TRIM10: variants seen among roughly 807,000 people sequenced by gnomAD.
TRIM10 encodes the protein tripartite motif containing 10, also known as tripartite motif-containing protein 10.
A neutral mutation model predicts 40.0 loss-of-function variants in TRIM10; 42 were observed. That is an observed-to-expected ratio of 1.05 (90% confidence interval 0.82 to 1.36). The LOEUF is 1.36. Ranked by LOEUF, TRIM10 falls within the 40% of genes most tolerant of loss-of-function variation. The probability of loss-of-function intolerance (pLI) is 0.00; values close to 1 mark genes in which losing one functional copy is unlikely to be tolerated. For missense variants in TRIM10, 601 were observed against 608.3 expected, an observed-to-expected ratio of 0.99 and a Z score of 0.13; for synonymous variants, 260 against 239.5, an observed-to-expected ratio of 1.09 and a Z score of -0.79.
upstream of TRIM10, chr6:30,164,004 AG>A: frequency 1.2e-6 from 2 of 1,613,056 alleles, no homozygotes; most frequent in Non-Finnish European, 1.7e-6. Context: ...TTCTGCAGGG[AG>A]GGTCCCACGC....
intron 6 of TRIM10, 120 bp from the exon 7 acceptor site, chr6:30,154,606 G>A: frequency 7.9e-7 from 1 of 1,262,172 alleles, no homozygotes; most frequent in African/African-American, 1.5e-5. Context: ...CATGTATAGT[G>A]CCTACGTGGG....
chr6:30,159,080 T>C, intron 2 of TRIM10, 70 bp downstream of exon 2: 2 of 1,001,562 alleles, frequency 2.0e-6, no homozygotes, highest in Middle Eastern at 4.6e-4. Context: ...ATAATCTATG[T>C]TGCCTCAGTT....
upstream of TRIM10, among the ~76,000 whole-genome samples, chr6:30,161,238 G>C (rs1025818464): frequency 6.6e-6 from 1 of 152,178 alleles, no homozygotes; most frequent in Non-Finnish European, 1.5e-5. Context: ...GCAAGTGGGA[G>C]ACTGGGTCAC....
rs1772611213 is a variant in TRIM10 at position 30,157,059 on chromosome 6, G to A, written c.780-5C>T. The A allele has an allele frequency of 6.2e-7, 1 of 1,612,592 alleles. No individual in the cohort carries two copies. The highest frequency in any genetic ancestry group is 8.5e-7 in the Non-Finnish European group (1 of 1,179,736). Reference sequence around the variant, plus strand: ...CGGCACTTTCTGGTTTCACATCTAGGGGCACAGAAATGGCTGGGTCTGGGA... The same window carrying A: ...CGGCACTTTCTGGTTTCACATCTAGAGGCACAGAAATGGCTGGGTCTGGGA... On this transcript the variant is annotated splice_polypyrimidine_tract_variant and splice_region_variant and intron_variant, in intron 4 of 6. Coordinates refer to ENST00000449742, the MANE Select transcript of TRIM10 (RefSeq NM_006778.4).
chr6:30,161,787 G>A (rs1420617973), upstream of TRIM10, among the ~76,000 whole-genome samples: 3 of 152,056 alleles, frequency 2.0e-5, no homozygotes, highest in Non-Finnish European at 4.4e-5. Flanking sequence ...CAACATAAAC[G>A]CAAAGTGAGC....
At chr6:30,160,073 T>A (rs1256280536) in intron 1 of TRIM10, among the ~76,000 whole-genome samples, 1 of 152,168 alleles carries the variant, frequency 6.6e-6, no homozygotes, top group East Asian at 1.9e-4. Flanking sequence ...CCAGACACAC[T>A]TCTAAACATG....
At chr6:30,155,339 G>C (rs1332660978) in intron 6 of TRIM10, among the ~76,000 whole-genome samples, 1 of 152,098 alleles carries the variant, frequency 6.6e-6, no homozygotes, top group Non-Finnish European at 1.5e-5. Context: ...TATAAACCCA[G>C]ATCAAAGTCC....
chr6:30,156,958 C>A lies in TRIM10; in HGVS notation c.876G>T (p.Arg292Ser). 6.2e-7 allele frequency: 1 copy of A among 1,613,074 alleles called. No homozygotes were observed. The highest frequency in any genetic ancestry group is 8.5e-7 in the Non-Finnish European group (1 of 1,180,020). Residue 292 changes from arginine to serine, a missense_variant, in exon 5 of 7, where the codon AGG becomes AGT. By Grantham distance (110) the Arg-to-Ser change is moderately radical. Coordinates refer to ENST00000449742, the MANE Select transcript of TRIM10 (RefSeq NM_006778.4). The stretch of plus-strand genomic sequence containing the variant: ...TCTTACCCAGAAACATCTTCATCTC[C>A]CTCTGCAGCGGGAGGGCCTGCTGGG... ...DFPQQALPLQ[R>S]EMKMFLEKLC... is the part of the protein sequence containing the mutation.
intron 6 of TRIM10, 69 bp from the exon 7 acceptor site, chr6:30,154,555 TCCCCCTGGGC>T: frequency 6.4e-7 from 1 of 1,573,620 alleles, no homozygotes; most frequent in South Asian, 1.1e-5. Context: ...GCATAGAAAC[TCCCCCTGGGC>T]CCCTCCTGTT....
At chr6:30,160,064 C>A (rs1353735620) in intron 1 of TRIM10, among the ~76,000 whole-genome samples, 1 of 152,182 alleles carries the variant, frequency 6.6e-6, no homozygotes, top group Non-Finnish European at 1.5e-5. Context: ...CCAAACACAC[C>A]AGACACACTT....
chr6:30,153,771 A>T lies in TRIM10; in HGVS notation c.*198T>A. 6.2e-7 allele frequency: 1 copy of T among 1,613,074 alleles called. No individual in the cohort carries two copies. On this transcript the variant is annotated 3_prime_UTR_variant, in exon 7 of 7. Transcript: ENST00000449742. Reference sequence around the variant, plus strand: ...GAGTCCCCAGGTACCCTGGCCATCCACTGGGCATTGGGGAAAGGACTTGAT... The same window carrying T: ...GAGTCCCCAGGTACCCTGGCCATCCTCTGGGCATTGGGGAAAGGACTTGAT...
rs1298001926 is a variant in TRIM10 at position 30,158,628 on chromosome 6, G to C, written c.527C>G (p.Thr176Ser). The C allele has an allele frequency of 6.2e-7, 1 of 1,612,860 alleles. No homozygotes were observed. Among genetic ancestry groups the C allele is most frequent in the Non-Finnish European group, 8.5e-7 (1 of 1,179,868 alleles). Residue 176 changes from threonine to serine, a missense_variant and splice_region_variant, in exon 3 of 7, where the codon ACT (threonine) becomes AGT (serine). By Grantham distance (58) the Thr-to-Ser change is moderately conservative. Transcript: ENST00000449742. ...CTGTTGTCTCTTGGTGGACACCTGAGTCTGAGGGGGCAGGAGGCAAGCCCA... is the reference window on the plus strand; with the variant it reads ...CTGTTGTCTCTTGGTGGACACCTGACTCTGAGGGGGCAGGAGGCAAGCCCA... ...RENKRMQVLL[T>S]QVSTKRQQVI...
In TRIM10 at chr6:30,156,995, A is replaced by C; in HGVS notation, c.839T>G (p.Ile280Ser). ...GAGGGCCTGCTGGGGAAAGTCCCGAATCCTCTGGCCCAGCTCTGGCGACAC... is the reference window on the plus strand; with the variant it reads ...GAGGGCCTGCTGGGGAAAGTCCCGACTCCTCTGGCCCAGCTCTGGCGACAC... Reference protein sequence around the residue: ...VAVSPELGQRIRDFPQQALPL... With the variant: ...VAVSPELGQRSRDFPQQALPL... The change falls in exon 5 of 7, where the codon ATT becomes AGT. Residue 280 changes from isoleucine to serine, a missense_variant. Coordinates refer to ENST00000449742, the MANE Select transcript of TRIM10 (RefSeq NM_006778.4). 6.2e-7 allele frequency: 1 copy of C among 1,613,066 alleles called. No individual in the cohort carries two copies. Among genetic ancestry groups the C allele is most frequent in the Non-Finnish European group, 8.5e-7 (1 of 1,180,028 alleles).
chr6:30,160,418 C>T lies in TRIM10; in HGVS notation c.429+12G>A. The T allele has an allele frequency of 6.2e-7, 1 of 1,608,790 alleles. No individual in the cohort carries two copies. Among genetic ancestry groups the T allele is most frequent in the Middle Eastern group, 1.7e-4 (1 of 6,032 alleles). ...CAGTCCACCCTGGGATCCCCCAGTT[C>T]CCCTTTCCTACCCTATAGGGAGCCG... On this transcript the variant is annotated intron_variant, in intron 1 of 6. Transcript: ENST00000449742.
rs1408821797 is a variant in TRIM10 at position 30,157,313 on chromosome 6, A to G, written c.779+56T>C. 3.4e-6 allele frequency: 5 copies of G among 1,458,904 alleles called. No individual in the cohort carries two copies. In the African/African-American group the frequency reaches 7.1e-5, roughly 21 times the overall value. The allele number at this position is 1,458,904 out of a possible 1,614,324, so 90.4% of individuals were successfully genotyped here. A position where few individuals can be genotyped will look rare whatever the true frequency, so the allele number is the denominator to read the frequency against. On this transcript the variant is annotated intron_variant, in intron 4 of 6. Transcript: ENST00000449742. ...CCTGTGTGGCAATAACTAGGCATGC[A>G]GTACATGTATGTATATTTATATGGA...
At chr6:30,159,413 C>G (rs554299307) in intron 1 of TRIM10, among the ~76,000 whole-genome samples, 168 bp from the exon 2 acceptor site, 1 of 152,354 alleles carries the variant, frequency 6.6e-6, no homozygotes, top group Non-Finnish European at 1.5e-5. Context: ...CCCTTTGGGT[C>G]TTCTTCCTCT....
rs1772769918 is a variant in TRIM10 at position 30,158,458 on chromosome 6, T to C, written c.697A>G (p.Ser233Gly). Residue 233 changes from serine (S) to glycine (G), a missense_variant, in exon 3 of 7, where the codon AGT becomes GGT. By Grantham distance (56) the Ser-to-Gly change is moderately conservative. Transcript: ENST00000449742. ...TCCTCCAGTTCTTCAATAAGAGCACTAAACCGGCAGATCTCCCCAGCAACC... is the reference window on the plus strand; with the variant it reads ...TCCTCCAGTTCTTCAATAAGAGCACCAAACCGGCAGATCTCCCCAGCAACC... ...LLVAGEICRF[S>G]ALIEELEEKN... 6.2e-7 allele frequency: 1 copy of C among 1,613,096 alleles called. No homozygotes were observed. The highest frequency in any genetic ancestry group is 8.5e-7 in the Non-Finnish European group (1 of 1,180,024).
In TRIM10 at chr6:30,153,807, A is replaced by G. The variant is rs770148993; in HGVS notation, c.*162T>C. On this transcript the variant is annotated 3_prime_UTR_variant, in exon 7 of 7. Coordinates refer to ENST00000449742, the MANE Select transcript of TRIM10 (RefSeq NM_006778.4). ...GGGAAAGGACTTGATCAGTAGATTGAGAGTCCTCTCTTCTATCCCTTACCA... is the reference window on the plus strand; with the variant it reads ...GGGAAAGGACTTGATCAGTAGATTGGGAGTCCTCTCTTCTATCCCTTACCA... The G allele has an allele frequency of 1.9e-6, 3 of 1,612,862 alleles. No individual in the cohort carries two copies. The Admixed American group carries it at 5.0e-5, about 27-fold the overall frequency.
upstream of TRIM10, chr6:30,163,616 C>A (rs762089357): frequency 5.3e-6 from 8 of 1,519,534 alleles, no homozygotes; most frequent in Non-Finnish European, 7.1e-6. Context: ...AAGTGTGACT[C>A]GATTTCAGGG....
Sources: allele counts gnomAD v4.1 joint callset (sites outside exome capture counted in the v4.1 genomes callset), GRCh38; gene constraint gnomAD v4.1.1; transcripts MANE v1.5; gene names NCBI Gene and HGNC (gene_info 2026-07-23, HGNC 2026-07-21).